ATG4A: variants seen among roughly 807,000 people sequenced by gnomAD.
The protein encoded by ATG4A is autophagy related 4A cysteine peptidase, also known as cysteine protease ATG4A.
In ATG4A, 22 loss-of-function variants were observed where a neutral mutation model predicts 38.4. That is an observed-to-expected ratio of 0.57 (90% CI 0.41 to 0.82). The LOEUF (loss-of-function observed/expected upper bound fraction) is 0.82, where lower values mean the gene tolerates loss of function less well. Among genes scored for constraint, ATG4A ranks in the 40% least tolerant of loss-of-function variants. The pLI is 0.00. For missense variants in ATG4A, 220 were observed against 290.0 expected, an observed-to-expected ratio of 0.76 and a Z score of 1.75; for synonymous variants, 86 against 100.7, an observed-to-expected ratio of 0.85 and a Z score of 0.88.
At chrX:108,122,211 T>C (rs1286010556) in intron 1 of ATG4A, among the ~76,000 whole-genome samples, 2 of 112,384 alleles carry the variant, frequency 1.8e-5, no homozygotes, top group African/African-American at 6.5e-5. Flanking sequence ...TTCAAAGTGA[T>C]TTTCTCATTT....
upstream of ATG4A, among the ~76,000 whole-genome samples, chrX:108,090,957 A>G (rs1186036307): frequency 8.9e-6 from 1 of 112,416 alleles, no homozygotes; most frequent in East Asian, 2.8e-4. Context: ...ATTTACCACA[A>G]TTTGTAATCG....
At chrX:108,115,441 A>G (rs971035368) in intron 1 of ATG4A, among the ~76,000 whole-genome samples, 3 of 111,484 alleles carry the variant, frequency 2.7e-5, no homozygotes, top group African/African-American at 9.8e-5. Flanking sequence ...CACCTCCCAA[A>G]TGTAACACCT....
intron 9 of ATG4A, among the ~76,000 whole-genome samples, chrX:108,145,976 G>T (rs1472643812): frequency 8.9e-6 from 1 of 111,831 alleles, no homozygotes; most frequent in Non-Finnish European, 1.9e-5. Context: ...TGGGTTCCCT[G>T]GAATCAATGT....
At chrX:108,110,143 G>T (rs1377803478) in intron 1 of ATG4A, among the ~76,000 whole-genome samples, 1 of 105,330 alleles carries the variant, frequency 9.5e-6, no homozygotes, top group African/African-American at 3.5e-5. Context: ...GGCCAAGGCG[G>T]GGGCGGATCA....
chrX:108,090,676 G>C (rs1055353920), upstream of ATG4A, among the ~76,000 whole-genome samples: 2 of 111,863 alleles, frequency 1.8e-5, no homozygotes, highest in African/African-American at 6.5e-5. Context: ...AAATATTTGT[G>C]GGCTTACTAA....
rs769744513 is a variant in ATG4A, at chrX:108,144,463, C to T, written c.815-5689C>T. 2.7e-5 allele frequency among the ~76,000 whole-genome samples: 3 copies of T among 112,085 alleles called. No individual in the cohort carries two copies. The South Asian group carries it at 1.1e-3, about 42-fold the overall frequency. ...GTCTCTGCTGCTGGCAAATTGGGCACTCAGCAGGGGCTGTAGCCAGGTCAG... is the reference window on the plus strand; with the variant it reads ...GTCTCTGCTGCTGGCAAATTGGGCATTCAGCAGGGGCTGTAGCCAGGTCAG... On this transcript the variant is annotated intron_variant, in intron 9 of 12. Coordinates refer to ENST00000372232, the MANE Select transcript of ATG4A (RefSeq NM_052936.5).
chrX:108,131,402 G>A (rs769162371), intron 4 of ATG4A, 44 bp downstream of exon 4: 1 of 1,124,768 alleles, frequency 8.9e-7, no homozygotes, highest in South Asian at 1.8e-5. Flanking sequence ...GACCTCTGCA[G>A]TATCACTTGC....
chrX:108,129,870 CTTTTT>C (rs775581997), intron 3 of ATG4A, among the ~76,000 whole-genome samples: 4 of 95,035 alleles, frequency 4.2e-5, no homozygotes, highest in African/African-American at 1.5e-4. Context: ...GCTCCCGGCC[CTTTTT>C]TTTTTTTTTT....
Position 108,145,160 on chromosome X carries a change from A to G in ATG4A, c.815-4992A>G, listed in dbSNP as rs2033392388. Among the ~76,000 whole-genome samples the G allele has an allele frequency of 2.7e-5, 3 of 112,499 alleles. No homozygotes were observed. The Admixed American group carries it at 2.8e-4, about 11-fold the overall frequency. ...TCAGATTTATTTCCCATCCTCTGGC[A>G]TGCAAATGTCTTACCAATAAGTCCA... On this transcript the variant is annotated intron_variant, in intron 9 of 12. Coordinates refer to ENST00000372232, the MANE Select transcript of ATG4A (RefSeq NM_052936.5).
intron 1 of ATG4A, among the ~76,000 whole-genome samples, chrX:108,111,764 A>G (rs1326652073): frequency 1.8e-5 from 2 of 111,935 alleles, no homozygotes; most frequent in Admixed American, 1.9e-4. Context: ...AAGGGCTTCT[A>G]AAAATTTTTA....
intron 2 of ATG4A, among the ~76,000 whole-genome samples, chrX:108,127,846 G>A (rs972415149): frequency 8.9e-6 from 1 of 111,876 alleles, no homozygotes; most frequent in African/African-American, 3.2e-5. Context: ...CCACATCTAA[G>A]TACAGATAAA....
intron 1 of ATG4A, among the ~76,000 whole-genome samples, chrX:108,125,765 G>A (rs948011697): frequency 2.7e-5 from 3 of 111,864 alleles, no homozygotes; most frequent in Non-Finnish European, 5.6e-5. Flanking sequence ...GGGGAAGCTC[G>A]ATAATTGGCT....
rs1375848341 is a variant in ATG4A at position 108,134,340 on chromosome X, A to G, written c.396A>G (p.Ala132=). The G allele has an allele frequency of 8.3e-7, 1 of 1,208,612 alleles. No individual in the cohort carries two copies. Among genetic ancestry groups the G allele is most frequent in the Non-Finnish European group, 1.1e-6 (1 of 894,422 alleles). Reference sequence around the variant, plus strand: ...TATTTTTTTCCACATTAAAAACAGCACAAATGGGTGTAGGAGAAGGGAAAT... The same window carrying G: ...TATTTTTTTCCACATTAAAAACAGCGCAAATGGGTGTAGGAGAAGGGAAAT... ...KDCCYSIHQM[A]QMGVGEGKSI... The change falls in exon 6 of 13, where the codon GCA becomes GCG. Residue 132 remains alanine (A), a splice_region_variant and synonymous_variant. Transcript: ENST00000372232.
At chrX:108,137,716 T>C in intron 7 of ATG4A, 88 bp from the exon 8 acceptor site, 1 of 943,707 alleles carries the variant, frequency 1.1e-6, no homozygotes, top group Non-Finnish European at 1.4e-6. Flanking sequence ...GTGGGGGGCA[T>C]GTGAGGTTCC....
chrX:108,124,951 G>A (rs953739414), intron 1 of ATG4A, among the ~76,000 whole-genome samples: 5 of 111,277 alleles, frequency 4.5e-5, no homozygotes, highest in Non-Finnish European at 9.4e-5. Flanking sequence ...TTCCTCACAG[G>A]GGCTGAGGAG....
chrX:108,140,517 G>A (rs898863981), intron 9 of ATG4A, among the ~76,000 whole-genome samples: 6 of 105,668 alleles, frequency 5.7e-5, no homozygotes, highest in Non-Finnish European at 1.2e-4. Flanking sequence ...CAGAGACTTC[G>A]CAAAGTATAT....
chrX:108,128,743 A>C (rs1261970380), intron 2 of ATG4A, 38 bp from the exon 3 acceptor site: 7 of 986,564 alleles, frequency 7.1e-6, no homozygotes, highest in Non-Finnish European at 9.7e-6. Flanking sequence ...GTATTTTTAG[A>C]TATGGTGATT....
At chrX:108,141,006 A>G (rs2033244223) in intron 9 of ATG4A, among the ~76,000 whole-genome samples, 1 of 89,764 alleles carries the variant, frequency 1.1e-5, no homozygotes, top group African/African-American at 4.2e-5. Context: ...ATACATATAT[A>G]TACGTATATA....
At chrX:108,106,297 A>G (rs2032169842) in intron 1 of ATG4A, among the ~76,000 whole-genome samples, 1 of 111,655 alleles carries the variant, frequency 9.0e-6, no homozygotes, top group Non-Finnish European at 1.9e-5. Flanking sequence ...ACTTTGCTAT[A>G]GAAACCTTAC....
Sources: allele counts gnomAD v4.1 joint callset (sites outside exome capture counted in the v4.1 genomes callset), GRCh38; gene constraint gnomAD v4.1.1; transcripts MANE v1.5; gene names NCBI Gene and HGNC (gene_info 2026-07-23, HGNC 2026-07-21).